Variants in BCORL1 observed in about 807,000 individuals in gnomAD.
BCORL1 encodes the protein BCL6 corepressor like 1.
A neutral mutation model predicts 87.6 loss-of-function variants in BCORL1; 7 were observed. That is an observed-to-expected ratio of 0.08 (90% CI 0.05 to 0.15). BCORL1 has a LOEUF of 0.15. Among genes scored for constraint, BCORL1 ranks in the 10% least tolerant of loss-of-function variants. BCORL1 has a pLI of 1.00. For missense variants in BCORL1, 1,215 were observed against 1,499.7 expected, an observed-to-expected ratio of 0.81 and a Z score of 3.13; for synonymous variants, 591 against 634.4, an observed-to-expected ratio of 0.93 and a Z score of 1.03.
At chrX:130,035,975 C>T (rs996289556) in intron 9 of BCORL1, among the ~76,000 whole-genome samples, 1 of 112,949 alleles carries the variant, frequency 8.9e-6, no homozygotes, top group Admixed American at 9.3e-5. Flanking sequence ...CACACACAGC[C>T]GCTCTAGCCA....
chrX:130,056,761 G>A lies in BCORL1; in HGVS notation c.*625G>A, dbSNP rs1483033828. ...TCCCCCACTGGGGAGGGGGTGAGGT[G>A]GAATGGGGTGGGGGAACATGGACTT... On this transcript the variant is annotated 3_prime_UTR_variant, in exon 14 of 14. Transcript: ENST00000540052. The A allele has an allele frequency of 9.0e-6, 1 of 110,854 alleles. No individual in the cohort carries two copies. The highest frequency in any genetic ancestry group is 2.8e-4 in the East Asian group (1 of 3,522). 9.1% of individuals were successfully genotyped at this position (110,854 alleles called of 1,213,427 possible).
chrX:130,033,161 A>G (rs141438168), intron 8 of BCORL1, among the ~76,000 whole-genome samples: 1,652 of 106,337 alleles, frequency 0.016, 19 homozygotes, highest in African/African-American at 0.054. Context: ...GGCATACTGC[A>G]ACCTCCCCCT....
intron 1 of BCORL1, among the ~76,000 whole-genome samples, chrX:129,999,061 T>G (rs1445983763): frequency 2.7e-5 from 2 of 72,905 alleles, no homozygotes; most frequent in African/African-American, 8.9e-5. Context: ...TTTTTTGTGG[T>G]TTTTTTTTTT....
At chrX:130,043,784 A>ATATATTT (rs1556131020) in intron 11 of BCORL1, among the ~76,000 whole-genome samples, 2 of 15,971 alleles carry the variant, frequency 1.3e-4, no homozygotes, top group Non-Finnish European at 1.7e-4. Flanking sequence ...ATATATATAT[A>ATATATTT]TTTTTTTTTT....
rs765376200 is a variant in BCORL1, at chrX:130,013,951, C to T, written c.1179C>T (p.Ala393=). ...APTPAPIFTP[A]PTPMPAATPA... is the part of the protein sequence containing the mutation. ...CCCCAGCCCCCATCTTTACTCCAGCCCCTACACCCATGCCTGCTGCCACGC... is the reference window on the plus strand; with the variant it reads ...CCCCAGCCCCCATCTTTACTCCAGCTCCTACACCCATGCCTGCTGCCACGC... Residue 393 remains alanine (A), a synonymous_variant, in exon 4 of 14, where the codon GCC becomes GCT. Transcript: ENST00000540052. The T allele has an allele frequency of 8.4e-7, 1 of 1,197,269 alleles. No individual in the cohort carries two copies. The highest frequency in any genetic ancestry group is 1.8e-5 in the South Asian group (1 of 55,304).
chrX:129,999,691 C>G (rs61181089), intron 1 of BCORL1, among the ~76,000 whole-genome samples: 10,550 of 103,009 alleles, frequency 0.1, 1,336 homozygotes, highest in African/African-American at 0.35. Flanking sequence ...TTTTCCCCCC[C>G]CCCAGACAGA....
chrX:130,039,101 G>A, intron 10 of BCORL1, 36 bp from the exon 11 acceptor site: 3 of 1,203,915 alleles, frequency 2.5e-6, no homozygotes, highest in Non-Finnish European at 3.4e-6. Context: ...GTTCCCACTT[G>A]GGCCCTGTTA....
At chrX:129,990,849 T>A (rs2124332588) in intron 1 of BCORL1, among the ~76,000 whole-genome samples, 1 of 111,735 alleles carries the variant, frequency 8.9e-6, no homozygotes, top group East Asian at 2.8e-4. Context: ...CTAGGGAACA[T>A]TTCGGGCCAT....
At chrX:129,995,196 G>A (rs1927471357) in intron 1 of BCORL1, among the ~76,000 whole-genome samples, 1 of 109,781 alleles carries the variant, frequency 9.1e-6, no homozygotes, top group South Asian at 3.9e-4. Context: ...AGTAGAGATG[G>A]GGTTTCACCA....
At chrX:130,049,054 T>C (rs1413712309) in intron 11 of BCORL1, among the ~76,000 whole-genome samples, 1 of 112,656 alleles carries the variant, frequency 8.9e-6, no homozygotes, top group Non-Finnish European at 1.9e-5. Context: ...CATTGATGGA[T>C]GTTTGGGCTA....
At position 130,025,181 on chromosome X, in the gene BCORL1, C is replaced by T. The variant is rs1348032239; in HGVS notation, c.3880C>T (p.His1294Tyr). 8.3e-7 allele frequency: 1 copy of T among 1,211,914 alleles called. No individual in the cohort carries two copies. Among genetic ancestry groups the T allele is most frequent in the Non-Finnish European group, 1.1e-6 (1 of 895,524 alleles). The stretch of plus-strand genomic sequence containing the variant: ...GTCTCTGCTGAGCCAGGGCCGAAGG[C>T]ACCTGTGGCGAGCCCGAGAAATGCC... Reference protein sequence around the residue: ...DKSLLSQGRRHLWRAREMPWR... With the variant: ...DKSLLSQGRRYLWRAREMPWR... The change falls in exon 7 of 14, where the codon CAC becomes TAC. Residue 1294 changes from histidine to tyrosine, a missense_variant. Physicochemically the swap from His to Tyr is moderately conservative, Grantham distance 83. Coordinates refer to ENST00000540052, the MANE Select transcript of BCORL1 (RefSeq NM_001379451.1).
chrX:130,002,586 GGA>G (rs973343517), intron 1 of BCORL1, among the ~76,000 whole-genome samples: 1 of 105,129 alleles, frequency 9.5e-6, no homozygotes, highest in African/African-American at 3.5e-5. Context: ...GGGAGAGGGA[GGA>G]GAGAATGAAT....
In BCORL1 at chrX:130,028,702, C is replaced by A. The variant is rs746063839; in HGVS notation, c.4146C>A (p.Asn1382Lys). ...QSLEHRLRNR[N>K]LLLPNKVQGI... ...TGGAGCACCGCCTCAGGAACAGGAA[C>A]CTTCTCTTGCCCAACAAAGTCCAGG... Residue 1382 changes from asparagine to lysine, a missense_variant, in exon 8 of 14, where the codon AAC becomes AAA. Physicochemically the swap from Asn to Lys is moderately conservative, Grantham distance 94 (BLOSUM62 0). This residue lies in a region of BCORL1 where 166 missense variants were observed against 196.5 expected (regional missense o/e 0.84). Transcript: ENST00000540052. 1.8e-4 allele frequency: 215 copies of A among 1,208,365 alleles called. No individual in the cohort carries two copies. The highest frequency in any genetic ancestry group is 6.9e-4 in the Middle Eastern group (3 of 4,373).
chrX:130,003,446 C>T (rs955061714), intron 1 of BCORL1, among the ~76,000 whole-genome samples: 61 of 106,988 alleles, frequency 5.7e-4, no homozygotes, highest in Non-Finnish European at 7.7e-4. Flanking sequence ...GGTATCAGCT[C>T]GCCGCAACCT....
intron 11 of BCORL1, among the ~76,000 whole-genome samples, chrX:130,049,659 CAT>C (rs767567095): frequency 8.9e-6 from 1 of 112,520 alleles, no homozygotes; most frequent in East Asian, 2.8e-4. Context: ...TGCCCGGCCT[CAT>C]GTGTAAGTTT....
intron 8 of BCORL1, 62 bp downstream of exon 8, chrX:130,028,923 A>AGGG (rs1930411870): frequency 1.4e-4 from 4 of 28,264 alleles, no homozygotes; most frequent in South Asian, 7.0e-4. Flanking sequence ...AGGAGGCAGG[A>AGGG]GGGGGGTGGG....
chrX:130,044,150 C>T (rs747343547), intron 11 of BCORL1, among the ~76,000 whole-genome samples: 171 of 109,264 alleles, frequency 1.6e-3, no homozygotes, highest in African/African-American at 5.4e-3. Context: ...GTGATCTACC[C>T]GCCTCAGCCT....
rs1159604324 is a variant in BCORL1 at position 130,022,992 on chromosome X, G to C, written c.3688+15G>C. ...CAGTCAGTCTGGTGAGTGAGACTAA[G>C]GTGATGGCCCCTCTCAGCATCTTCT... On this transcript the variant is annotated intron_variant, in intron 6 of 13. Coordinates refer to ENST00000540052, the MANE Select transcript of BCORL1 (RefSeq NM_001379451.1). 1 of 1,169,969 alleles carries C rather than the reference G, an allele frequency of 8.5e-7. No individual in the cohort carries two copies. The highest frequency in any genetic ancestry group is 2.2e-5 in the Admixed American group (1 of 45,833).
intron 1 of BCORL1, among the ~76,000 whole-genome samples, chrX:130,003,632 A>G (rs1323758734): frequency 9.0e-6 from 1 of 111,257 alleles, no homozygotes; most frequent in Non-Finnish European, 1.9e-5. Context: ...CGGCCTCCCA[A>G]AGTGCTGGGA....
Sources: allele counts gnomAD v4.1 joint callset (sites outside exome capture counted in the v4.1 genomes callset), GRCh38; gene constraint gnomAD v4.1.1; regional missense constraint gnomAD v4.1.1; transcripts MANE v1.5; gene names NCBI Gene and HGNC (gene_info 2026-07-23, HGNC 2026-07-21).